SOX5: variants seen among roughly 807,000 people sequenced by gnomAD.
SOX5 encodes transcription factor SOX-5.
In SOX5, 9 loss-of-function variants were observed where a neutral mutation model predicts 92.0. That is an observed-to-expected ratio of 0.10 (90% CI 0.06 to 0.17). The LOEUF is 0.17. Ranked by LOEUF, SOX5 falls within the 10% of genes least tolerant of loss-of-function variation. The pLI is 1.00. For synonymous variants in SOX5, 344 were observed against 336.3 expected (o/e 1.02, Z -0.25); for missense variants, 642 against 944.5 (o/e 0.68, Z 4.20).
intron 1 of SOX5, among the ~76,000 whole-genome samples, chr12:23,942,375 AC>A (rs1428658084): frequency 1.3e-5 from 2 of 151,882 alleles, no homozygotes; most frequent in Non-Finnish European, 2.9e-5. Flanking sequence ...AAAAACAAAA[AC>A]AAAAAGGCAA....
intron 8 of SOX5, among the ~76,000 whole-genome samples, chr12:23,622,937 C>T (rs1246511997): frequency 2.0e-5 from 3 of 152,032 alleles, no homozygotes; most frequent in African/African-American, 4.8e-5. Flanking sequence ...TAACTTGATA[C>T]CTTTCCAGAA....
intron 5 of SOX5, among the ~76,000 whole-genome samples, chr12:23,738,893 C>T (rs1463433831): frequency 6.6e-6 from 1 of 152,062 alleles, no homozygotes; most frequent in African/African-American, 2.4e-5. Context: ...GGGGATAAAG[C>T]AAGAGGCATA....
chr12:24,089,894 A>G (rs1944434824), intron 4 of SOX5, among the ~76,000 whole-genome samples: 1 of 152,154 alleles, frequency 6.6e-6, no homozygotes, highest in East Asian at 1.9e-4. Flanking sequence ...AGGAGCTACA[A>G]AGTGGTTCTA....
chr12:23,546,353 A>G lies in SOX5; in HGVS notation c.1560T>C (p.His520=), dbSNP rs778013687. 19 of 1,606,408 alleles carry G rather than the reference A, an allele frequency of 1.2e-5. No individual in the cohort carries two copies. In the Admixed American group the frequency reaches 3.0e-4, roughly 25 times the overall value. The change falls in exon 12 of 15, where the codon CAT becomes CAC. Residue 520 remains histidine, a synonymous_variant. Coordinates refer to ENST00000451604, the MANE Select transcript of SOX5 (RefSeq NM_006940.6). ...CACTCAGATTGAAATCCATCATTGC[A>G]TGGCTAAATTTTCCTTCTTCATTCT... ...VKQNEEGKFS[H]AMMDFNLSGD...
At chr12:24,479,960 C>T (rs1945806573) in intron 1 of SOX5, among the ~76,000 whole-genome samples, 1 of 152,162 alleles carries the variant, frequency 6.6e-6, no homozygotes, top group Non-Finnish European at 1.5e-5. Flanking sequence ...GCCACTGTGC[C>T]CAGTCCTGGA....
rs1938905775 is a variant in SOX5 at position 23,530,850 on chromosome 12, A to C, written c.*3369T>G. 3.5e-5 allele frequency: 2 copies of C among 57,684 alleles called. No homozygotes were observed. The highest frequency in any genetic ancestry group is 8.7e-5 in the Non-Finnish European group (2 of 22,964). The allele number at this position is 57,684 out of a possible 1,614,324, so 3.6% of individuals were successfully genotyped here. On this transcript the variant is annotated 3_prime_UTR_variant, in exon 15 of 15. Coordinates refer to ENST00000451604, the MANE Select transcript of SOX5 (RefSeq NM_006940.6). The stretch of plus-strand genomic sequence containing the variant: ...GCGCGCGCGCGCATGTGAGAGAGAG[A>C]GAGAAAGGGAAAGAGATAAAGTGTG...
At chr12:23,890,094 C>T (rs1021673418) in intron 2 of SOX5, among the ~76,000 whole-genome samples, 23 of 152,158 alleles carry the variant, frequency 1.5e-4, no homozygotes, top group African/African-American at 5.3e-4. Flanking sequence ...GCAAGGCGGG[C>T]GGATTACCTG....
chr12:24,421,245 T>C (rs1965864513), intron 1 of SOX5, among the ~76,000 whole-genome samples: 1 of 152,170 alleles, frequency 6.6e-6, no homozygotes, highest in South Asian at 2.1e-4. Context: ...TGGGTGGTGG[T>C]TACAAGACTG....
At chr12:24,345,424 TTTTCTC>T (rs1953111156) in intron 2 of SOX5, among the ~76,000 whole-genome samples, 1 of 152,152 alleles carries the variant, frequency 6.6e-6, no homozygotes, top group Non-Finnish European at 1.5e-5. Context: ...ATCTAGCACT[TTTTCTC>T]TACTGGTTTT....
At chr12:23,919,160 A>C (rs1239609276) in intron 1 of SOX5, among the ~76,000 whole-genome samples, 1 of 152,144 alleles carries the variant, frequency 6.6e-6, no homozygotes, top group East Asian at 1.9e-4. Flanking sequence ...GTGACAGGTA[A>C]GCTGAAGAAA....
chr12:24,065,653 AAAAAAAAAAAAAAGAAAAG>A (rs1940585159), intron 4 of SOX5, among the ~76,000 whole-genome samples: 1 of 140,454 alleles, frequency 7.1e-6, no homozygotes, highest in South Asian at 2.1e-4. Flanking sequence ...CTCAAAAAAA[AAAAAAAAAAAAAAGAAAAG>A]AAAAAAGAAA....
intron 3 of SOX5, among the ~76,000 whole-genome samples, chr12:23,779,814 T>TATATATATATATATATAC (rs777013504): frequency 2.8e-4 from 31 of 110,794 alleles, no homozygotes; most frequent in African/African-American, 9.2e-4. Context: ...TATATATATA[T>TATATATATATATATATAC]ACACACACAC....
At chr12:23,783,025 T>G (rs2095312585) in intron 3 of SOX5, among the ~76,000 whole-genome samples, 1 of 152,160 alleles carries the variant, frequency 6.6e-6, no homozygotes, top group Non-Finnish European at 1.5e-5. Flanking sequence ...AAATGCTCCT[T>G]TCTTAGACAC....
At chr12:24,206,074 G>C (rs984689630) in intron 4 of SOX5, among the ~76,000 whole-genome samples, 18 of 152,210 alleles carry the variant, frequency 1.2e-4, no homozygotes, top group African/African-American at 3.6e-4. Context: ...CATGATACCT[G>C]GGTCCAATCT....
upstream of SOX5, chr12:23,950,781 A>G (rs1945489878): frequency 1.6e-6 from 2 of 1,253,166 alleles, no homozygotes; most frequent in Admixed American, 4.0e-5. Context: ...ATCTAGATAA[A>G]AATCTGGCAG....
At chr12:24,265,115 T>C (rs565186846) in intron 3 of SOX5, among the ~76,000 whole-genome samples, 10 of 152,362 alleles carry the variant, frequency 6.6e-5, no homozygotes, top group African/African-American at 2.2e-4. Context: ...TATTCTGCCA[T>C]GTAGACTTGA....
At chr12:24,258,068 G>A (rs945999671) in intron 3 of SOX5, among the ~76,000 whole-genome samples, 9 of 152,078 alleles carry the variant, frequency 5.9e-5, no homozygotes, top group African/African-American at 2.2e-4. Flanking sequence ...AGCTACTTGG[G>A]AAGCTGAGGC....
intron 8 of SOX5, among the ~76,000 whole-genome samples, chr12:23,610,546 ATAT>A (rs968914410): frequency 6.6e-6 from 1 of 152,304 alleles, no homozygotes; most frequent in East Asian, 1.9e-4. Flanking sequence ...ACTATGTAAA[ATAT>A]TATTAATATA....
chr12:24,462,466 G>A (rs1943749666), intron 1 of SOX5, among the ~76,000 whole-genome samples: 1 of 152,074 alleles, frequency 6.6e-6, no homozygotes, highest in Non-Finnish European at 1.5e-5. Flanking sequence ...AAGATTTATT[G>A]TTACTCTTTC....
Sources: gnomAD v4.1 joint callset for allele counts (sites outside exome capture counted in the v4.1 genomes callset) on GRCh38, gnomAD v4.1.1 for gene constraint, MANE v1.5 for transcripts, NCBI Gene and HGNC (gene_info 2026-07-23, HGNC 2026-07-21) for gene names.